TLCD4: variants seen among roughly 807,000 people sequenced by gnomAD.
The protein encoded by TLCD4 is TLC domain-containing protein 4.
TLCD4 carries 7 observed loss-of-function variants against 24.2 expected under a neutral mutation model. The ratio of observed to expected loss-of-function variants is 0.29; its 90% CI spans 0.16 to 0.54. The LOEUF (loss-of-function observed/expected upper bound fraction) is 0.54, where lower values mean the gene tolerates loss of function less well. Ranked by LOEUF, TLCD4 falls within the 20% of genes least tolerant of loss-of-function variation. The probability of loss-of-function intolerance (pLI) is 0.95; values close to 1 mark genes in which losing one functional copy is unlikely to be tolerated. For synonymous variants in TLCD4, 103 were observed against 106.4 expected (o/e 0.97, Z 0.20); for missense variants, 259 against 313.9 (o/e 0.82, Z 1.32).
chr1:95,142,130 CTTTTTTT>C (rs35609217), intron 1 of TLCD4, among the ~76,000 whole-genome samples: 5 of 119,284 alleles, frequency 4.2e-5, no homozygotes, highest in African/African-American at 1.6e-4. Context: ...GCCTTAGTGC[CTTTTTTT>C]TTTTTTTTTT....
At chr1:95,174,503 C>T (rs1459663717) in intron 6 of TLCD4, among the ~76,000 whole-genome samples, 1 of 124,006 alleles carries the variant, frequency 8.1e-6, no homozygotes. Flanking sequence ...AGATCCCATC[C>T]CTACAAAAAA....
In TLCD4 at chr1:95,148,683, G is replaced by A. The variant is rs1481215976; in HGVS notation, c.156-19G>A. ...TGCAAAGAATCTAAAATCTTTGTGT[G>A]TATTTTGTTTAATTTCAGGGTAGTA... On this transcript the variant is annotated intron_variant, in intron 2 of 6. Transcript: ENST00000370203. 1.9e-6 allele frequency: 3 copies of A among 1,611,918 alleles called. No homozygotes were observed. In the South Asian group the frequency reaches 3.3e-5, roughly 18 times the overall value.
chr1:95,181,842 A>G (rs1678656199), intron 6 of TLCD4, among the ~76,000 whole-genome samples: 1 of 151,980 alleles, frequency 6.6e-6, no homozygotes, highest in Non-Finnish European at 1.5e-5. Flanking sequence ...GCTGGTCTTG[A>G]ACTCCTGACC....
At chr1:95,173,753 C>T (rs1395495925) in intron 5 of TLCD4, 63 bp from the exon 6 acceptor site, 42 of 1,602,272 alleles carry the variant, frequency 2.6e-5, no homozygotes, top group Middle Eastern at 1.7e-4. Flanking sequence ...GATATTTCTA[C>T]GGTATTTGGG....
chr1:95,162,871 G>A lies in TLCD4; in HGVS notation c.400-10945G>A, dbSNP rs376293980. ...TTGTAGAGTTTCTGCCGAGAGATCC[G>A]CTGTTAGTCTGTTGGGCTTCCCTTT... On this transcript the variant is annotated intron_variant, in intron 5 of 6. Transcript: ENST00000370203. Among the ~76,000 whole-genome samples the A allele has an allele frequency of 3.9e-5, 6 of 152,272 alleles. 1 individual carries two copies. The highest frequency in any genetic ancestry group is 2.1e-4 in the South Asian group (1 of 4,824).
chr1:95,125,984 T>G (rs535043889), intron 1 of TLCD4, among the ~76,000 whole-genome samples: 1 of 55,494 alleles, frequency 1.8e-5, no homozygotes, highest in East Asian at 5.6e-4. Context: ...AGACGCCATC[T>G]CTATTAAAAA....
intron 1 of TLCD4, among the ~76,000 whole-genome samples, chr1:95,139,101 G>T (rs1047637358): frequency 5.0e-5 from 7 of 140,070 alleles, no homozygotes; most frequent in African/African-American, 1.9e-4. Flanking sequence ...CTTGAGCCTA[G>T]AAGTTTGAGG....
At position 95,165,469 on chromosome 1, in the gene TLCD4, T is replaced by G. The variant is rs1044997239; in HGVS notation, c.400-8347T>G. On this transcript the variant is annotated intron_variant, in intron 5 of 6. Transcript: ENST00000370203. ...AAATAGTATGTGTGTGTGTGTGTGTTTTTTTTTTTTTTTCAGACAAAGTCT... is the reference window on the plus strand; with the variant it reads ...AAATAGTATGTGTGTGTGTGTGTGTGTTTTTTTTTTTTTCAGACAAAGTCT... Among the ~76,000 whole-genome samples the G allele has an allele frequency of 1.9e-4, 28 of 150,216 alleles. No homozygotes were observed. In the East Asian group the frequency reaches 2.5e-3, roughly 14 times the overall value.
the TLCD4 span, among the ~76,000 whole-genome samples, chr1:95,104,681 G>T: frequency 1.4e-5 from 1 of 70,466 alleles, no homozygotes; most frequent in Admixed American, 1.5e-4. Context: ...AAAAAAAAAA[G>T]CGTTTAACAT....
chr1:95,118,139 T>A (rs1286415168), intron 1 of TLCD4: 1 of 152,488 alleles, frequency 6.6e-6, no homozygotes, highest in East Asian at 1.9e-4. Context: ...GTAGCTCTTA[T>A]TTACCCTTGC....
intron 6 of TLCD4, among the ~76,000 whole-genome samples, chr1:95,175,385 T>A (rs1230382589): frequency 4.6e-5 from 7 of 152,274 alleles, no homozygotes; most frequent in Non-Finnish European, 8.8e-5. Context: ...TTTTAAAGGC[T>A]GCATAATATT....
chr1:95,131,542 A>G (rs1009718143), intron 1 of TLCD4, among the ~76,000 whole-genome samples: 4 of 152,248 alleles, frequency 2.6e-5, no homozygotes, highest in East Asian at 3.8e-4. Context: ...GATGGCTTTT[A>G]GAAAAGATTC....
chr1:95,115,401 C>T (rs971732832), upstream of TLCD4, among the ~76,000 whole-genome samples: 1 of 152,308 alleles, frequency 6.6e-6, no homozygotes, highest in Admixed American at 6.5e-5. Flanking sequence ...AGCCACTGCA[C>T]CCAGCCATGA....
intron 1 of TLCD4, among the ~76,000 whole-genome samples, chr1:95,126,900 C>T (rs902269744): frequency 6.6e-6 from 1 of 152,212 alleles, no homozygotes; most frequent in Non-Finnish European, 1.5e-5. Context: ...GTTCACAGGG[C>T]AGAGACATAG....
chr1:95,176,198 C>CT (rs71097253), intron 6 of TLCD4, among the ~76,000 whole-genome samples: 9,834 of 142,044 alleles, frequency 0.069, 384 homozygotes, highest in Non-Finnish European at 0.094. Flanking sequence ...CAATTTTTTC[C>CT]TTTTTTTTTT....
At chr1:95,177,021 C>T (rs1373112132) in intron 6 of TLCD4, among the ~76,000 whole-genome samples, 4 of 152,160 alleles carry the variant, frequency 2.6e-5, no homozygotes, top group Non-Finnish European at 5.9e-5. Flanking sequence ...TCAGTCCTTT[C>T]CTCACAGTGT....
rs1187003743 is a variant in TLCD4, at chr1:95,142,407, C to T, written c.-11-1484C>T. Among the ~76,000 whole-genome samples, 4 of 149,782 alleles carry T rather than the reference C, an allele frequency of 2.7e-5. No homozygotes were observed. The South Asian group carries it at 6.3e-4, about 24-fold the overall frequency. On this transcript the variant is annotated intron_variant, in intron 1 of 6. Coordinates refer to ENST00000370203, the MANE Select transcript of TLCD4 (RefSeq NM_152487.3). ...AGTTAAATTCTCATTTGTGCAGTGA[C>T]GGTGTTAGCGGTGGAGGGTGTTCAG...
chr1:95,182,272 T>G (rs989143954), intron 6 of TLCD4, among the ~76,000 whole-genome samples: 2 of 147,708 alleles, frequency 1.4e-5, no homozygotes, highest in Admixed American at 6.8e-5. Flanking sequence ...TTGTTTTTTG[T>G]TTTTTTTTTC....
chr1:95,150,366 C>A, intron 4 of TLCD4, 100 bp downstream of exon 4: 2 of 1,449,738 alleles, frequency 1.4e-6, no homozygotes, highest in South Asian at 1.4e-5. Flanking sequence ...TGAGAGATAG[C>A]ATTTAGGAAG....
Sources: gnomAD v4.1 joint callset for allele counts (sites outside exome capture counted in the v4.1 genomes callset) on GRCh38, gnomAD v4.1.1 for gene constraint, MANE v1.5 for transcripts, NCBI Gene and HGNC (gene_info 2026-07-23, HGNC 2026-07-21) for gene names.